The following ERBIN variants were observed in gnomAD, a reference collection of about 807,000 sequenced individuals.
ERBIN encodes the protein erbb2 interacting protein.
A neutral mutation model predicts 158.4 loss-of-function variants in ERBIN; 60 were observed. The ratio of observed to expected loss-of-function variants is 0.38; its 90% CI spans 0.31 to 0.47. The LOEUF (loss-of-function observed/expected upper bound fraction) is 0.47. Among genes scored for constraint, ERBIN ranks in the 20% least tolerant of loss-of-function variants. The pLI, the probability that ERBIN is intolerant of heterozygous loss-of-function variation, is 0.99. For missense variants in ERBIN, 1,610 were observed against 1,648.0 expected, an observed-to-expected ratio of 0.98 and a Z score of 0.40; for synonymous variants, 594 against 557.2, an observed-to-expected ratio of 1.07 and a Z score of -0.93.
At chr5:65,985,093 A>T (rs114875315) in intron 1 of ERBIN, among the ~76,000 whole-genome samples, 1 of 152,114 alleles carries the variant, frequency 6.6e-6, no homozygotes, top group Non-Finnish European at 1.5e-5. Flanking sequence ...ATCACATGAC[A>T]TTTTTTTGTT....
chr5:66,055,110 A>G, intron 21 of ERBIN, 159 bp downstream of exon 21: 1 of 1,399,212 alleles, frequency 7.1e-7, no homozygotes, highest in East Asian at 2.6e-5. Flanking sequence ...CTCAGCCAGG[A>G]CAATTGGGAT....
chr5:66,046,827 A>C (rs1471177848), intron 18 of ERBIN, among the ~76,000 whole-genome samples: 1 of 152,188 alleles, frequency 6.6e-6, no homozygotes, highest in Non-Finnish European at 1.5e-5. Context: ...TACTATAGGC[A>C]TACCCAATTA....
At chr5:66,064,883 A>G (rs1266915258) in intron 21 of ERBIN, among the ~76,000 whole-genome samples, 4 of 152,194 alleles carry the variant, frequency 2.6e-5, no homozygotes, top group African/African-American at 7.2e-5. Context: ...TTTTTTAAAT[A>G]GAGACAGGGT....
At chr5:65,986,243 T>C (rs774159206) in intron 1 of ERBIN, among the ~76,000 whole-genome samples, 13 of 152,238 alleles carry the variant, frequency 8.5e-5, no homozygotes, top group Non-Finnish European at 1.9e-4. Context: ...TCAGATATCT[T>C]TCAAGTATTT....
chr5:65,969,196 A>G (rs1475309616), intron 1 of ERBIN, among the ~76,000 whole-genome samples: 1 of 152,186 alleles, frequency 6.6e-6, no homozygotes, highest in Non-Finnish European at 1.5e-5. Flanking sequence ...CACACCCAAT[A>G]AAACAGGTAA....
At chr5:66,036,578 T>C (rs558127300) in intron 14 of ERBIN, among the ~76,000 whole-genome samples, 15 of 152,318 alleles carry the variant, frequency 9.8e-5, no homozygotes, top group African/African-American at 3.1e-4. Context: ...GTACCCTGTC[T>C]ACCCTGTAAT....
At chr5:66,008,146 C>T (rs923533516) in intron 4 of ERBIN, among the ~76,000 whole-genome samples, 14 of 152,254 alleles carry the variant, frequency 9.2e-5, no homozygotes, top group African/African-American at 2.9e-4. Flanking sequence ...GGGCCAGGCA[C>T]GGTGGCTCAC....
chr5:65,928,838 A>G (rs1200491278), intron 1 of ERBIN, among the ~76,000 whole-genome samples: 2 of 152,210 alleles, frequency 1.3e-5, no homozygotes, highest in Non-Finnish European at 1.5e-5. Context: ...AACTGTGACA[A>G]AGGTTTGAAA....
chr5:65,970,168 C>T (rs1248183950), intron 1 of ERBIN, among the ~76,000 whole-genome samples: 2 of 152,062 alleles, frequency 1.3e-5, no homozygotes, highest in South Asian at 4.1e-4. Flanking sequence ...TTAAACCAAG[C>T]AGTGAAAGAG....
At chr5:65,983,367 GCT>G (rs1750857770) in intron 1 of ERBIN, among the ~76,000 whole-genome samples, 1 of 151,968 alleles carries the variant, frequency 6.6e-6, no homozygotes, top group South Asian at 2.1e-4. Flanking sequence ...CCTTATAAAT[GCT>G]CTTACACAGC....
chr5:66,007,205 A>C (rs961247360), intron 4 of ERBIN, among the ~76,000 whole-genome samples: 7 of 152,246 alleles, frequency 4.6e-5, no homozygotes, highest in African/African-American at 1.7e-4. Context: ...AATACTGTGC[A>C]GCCATAAAAA....
At chr5:66,037,177 G>A (rs1029065913) in intron 14 of ERBIN, among the ~76,000 whole-genome samples, 1 of 152,068 alleles carries the variant, frequency 6.6e-6, no homozygotes, top group African/African-American at 2.4e-5. Flanking sequence ...GTATGGAAAT[G>A]TCATATGTGT....
Position 66,054,761 on chromosome 5 carries a change from C to G in ERBIN, c.3443C>G (p.Ser1148Cys). The change falls in exon 21 of 26, where the codon TCT becomes TGT. Residue 1148 changes from serine (S) to cysteine (C), a missense_variant. This residue lies in a region of ERBIN where 1,014 missense variants were observed against 936.1 expected (regional missense o/e 1.08). Transcript: ENST00000284037. ...TCAAGACCTCAGAGTGCTCGACCCT[C>G]TATTAATGAAATACCAGAGAGAACT... is the stretch of plus-strand genomic sequence containing the variant. ...NASRPQSARP[S>C]INEIPERTMS... The G allele has an allele frequency of 1.2e-6, 2 of 1,614,102 alleles. No individual in the cohort carries two copies. The highest frequency in any genetic ancestry group is 1.7e-6 in the Non-Finnish European group (2 of 1,179,998).
intron 14 of ERBIN, among the ~76,000 whole-genome samples, chr5:66,032,425 C>T (rs1354131836): frequency 6.6e-6 from 1 of 152,056 alleles, no homozygotes; most frequent in Admixed American, 6.5e-5. Flanking sequence ...GAAAGGGGCA[C>T]CATTGATAAT....
intron 1 of ERBIN, among the ~76,000 whole-genome samples, chr5:65,959,756 T>C (rs1335107597): frequency 6.6e-6 from 1 of 152,180 alleles, no homozygotes; most frequent in Non-Finnish European, 1.5e-5. Flanking sequence ...TCAAGTGAAA[T>C]TCATAGGTAG....
At chr5:66,064,080 AC>A (rs756387977) in intron 21 of ERBIN, among the ~76,000 whole-genome samples, 13 of 152,234 alleles carry the variant, frequency 8.5e-5, no homozygotes, top group Admixed American at 2.0e-4. Flanking sequence ...ACTTTTTGAT[AC>A]ATTTCTAAAA....
At chr5:66,074,642 T>C (rs1761822035) in intron 22 of ERBIN, among the ~76,000 whole-genome samples, 1 of 152,238 alleles carries the variant, frequency 6.6e-6, no homozygotes, top group Non-Finnish European at 1.5e-5. Context: ...ATGCATCTCA[T>C]AGACTGGCTT....
At chr5:66,033,942 C>G (rs964252405) in intron 14 of ERBIN, among the ~76,000 whole-genome samples, 3 of 152,022 alleles carry the variant, frequency 2.0e-5, no homozygotes, top group Non-Finnish European at 2.9e-5. Flanking sequence ...AATCCCGTCT[C>G]TACTGAAAAT....
Position 65,995,236 on chromosome 5 carries a change from C to G in ERBIN, c.307+372C>G, listed in dbSNP as rs543247013. ...GATCTCTTGTGCTTATTTCTCCTGT[C>G]AAACTGAAATCTTATACCCTTTGAA... On this transcript the variant is annotated intron_variant, in intron 4 of 25. Transcript: ENST00000284037. Among the ~76,000 whole-genome samples, 11 of 152,232 alleles carry G rather than the reference C, an allele frequency of 7.2e-5. No individual in the cohort carries two copies. The Middle Eastern group carries it at 0.014, about 190-fold the overall frequency.
Sources: gnomAD v4.1 joint callset for allele counts (sites outside exome capture counted in the v4.1 genomes callset) on GRCh38, gnomAD v4.1.1 for gene constraint, gnomAD v4.1.1 regional missense constraint, MANE v1.5 for transcripts, NCBI Gene and HGNC (gene_info 2026-07-23, HGNC 2026-07-21) for gene names.